MSI2: variants seen among roughly 807,000 people sequenced by gnomAD.
MSI2 encodes musashi RNA binding protein 2.
In MSI2, 17 loss-of-function variants were observed where a neutral mutation model predicts 45.6. The observed-to-expected ratio is 0.37, with a 90% CI of 0.26 to 0.56. MSI2 has a LOEUF of 0.56. MSI2 is among the 20% of genes least tolerant of loss of function. MSI2 has a pLI of 0.77. For synonymous variants in MSI2, 156 were observed against 158.2 expected, an observed-to-expected ratio of 0.99 and a Z score of 0.11; for missense variants, 293 against 444.2, an observed-to-expected ratio of 0.66 and a Z score of 3.06.
At chr17:57,464,388 G>A (rs1301498628) in intron 6 of MSI2, among the ~76,000 whole-genome samples, 1 of 152,022 alleles carries the variant, frequency 6.6e-6, no homozygotes, top group African/African-American at 2.4e-5. Context: ...AGGCTGCAGT[G>A]AGCCATGATT....
intron 5 of MSI2, chr17:57,262,445 G>A (rs748623146): frequency 2.4e-5 from 10 of 418,754 alleles, no homozygotes; most frequent in Admixed American, 4.1e-5. Context: ...TGTTTCCATC[G>A]ACTGCAGTAT....
In MSI2 at chr17:57,468,369, A is replaced by AAATTAGC. The variant is rs2085368255; in HGVS notation, c.406-61306_406-61300dup. Among the ~76,000 whole-genome samples, 4 of 151,628 alleles carry AAATTAGC rather than the reference A, an allele frequency of 2.6e-5. No individual in the cohort carries two copies. The South Asian group carries it at 8.3e-4, about 32-fold the overall frequency. On this transcript the variant is annotated intron_variant, in intron 6 of 13. Coordinates refer to ENST00000284073, the MANE Select transcript of MSI2 (RefSeq NM_138962.4). Reference sequence around the variant, plus strand: ...CCCGTCTCTACTAAAAATACAAAAAAAATTAGCCGGGTGTGGTGGCGGGCG... The same window carrying AAATTAGC: ...CCCGTCTCTACTAAAAATACAAAAAAAATTAGCAATTAGCCGGGTGTGGTGGCGGGCG...
intron 5 of MSI2, among the ~76,000 whole-genome samples, chr17:57,356,253 T>C (rs1463264676): frequency 6.6e-6 from 1 of 152,188 alleles, no homozygotes; most frequent in African/African-American, 2.4e-5. Flanking sequence ...TACCCACACA[T>C]ACCAGATCTC....
At chr17:57,276,061 T>A (rs966205060) in intron 5 of MSI2, among the ~76,000 whole-genome samples, 1 of 152,154 alleles carries the variant, frequency 6.6e-6, no homozygotes, top group Non-Finnish European at 1.5e-5. Flanking sequence ...TTCTACTGGT[T>A]TATTTTGACA....
intron 6 of MSI2, among the ~76,000 whole-genome samples, chr17:57,520,545 G>A (rs775428163): frequency 6.6e-5 from 10 of 152,232 alleles, no homozygotes; most frequent in African/African-American, 1.2e-4. Flanking sequence ...TGAAGAGTTC[G>A]AGAAATGTTC....
At chr17:57,439,559 C>CTT (rs758957801) in intron 6 of MSI2, among the ~76,000 whole-genome samples, 82 of 137,224 alleles carry the variant, frequency 6.0e-4, no homozygotes, top group African/African-American at 1.7e-3. Context: ...TAGGCTTTGT[C>CTT]TTTTTTTTTT....
chr17:57,619,080 G>C (rs1908024221), intron 9 of MSI2, among the ~76,000 whole-genome samples: 1 of 152,188 alleles, frequency 6.6e-6, no homozygotes, highest in South Asian at 2.1e-4. Flanking sequence ...AGAAGCAAAG[G>C]TGTGAAGCGG....
At chr17:57,484,350 T>G (rs1207882078) in intron 6 of MSI2, among the ~76,000 whole-genome samples, 2 of 152,362 alleles carry the variant, frequency 1.3e-5, no homozygotes, top group African/African-American at 2.4e-5. Context: ...ATGCCAAGCT[T>G]GGAAGGCCAG....
At chr17:57,264,086 G>A (rs749815991) in intron 5 of MSI2, 1 of 152,156 alleles carries the variant, frequency 6.6e-6, no homozygotes, top group Non-Finnish European at 1.5e-5. Context: ...TTTGTGTAGA[G>A]TAAAAGAGCA....
chr17:57,411,982 G>A (rs1163064299), intron 6 of MSI2, among the ~76,000 whole-genome samples: 2 of 151,880 alleles, frequency 1.3e-5, no homozygotes, highest in Non-Finnish European at 2.9e-5. Flanking sequence ...ACTCCAGCCT[G>A]GGCGACAAAC....
chr17:57,463,326 G>T (rs1200668915), intron 6 of MSI2, among the ~76,000 whole-genome samples: 8 of 152,036 alleles, frequency 5.3e-5, no homozygotes, highest in Admixed American at 5.2e-4. Flanking sequence ...GTTTTGAAAT[G>T]ACTTGAAAAA....
At chr17:57,438,618 C>A (rs573136071) in intron 6 of MSI2, among the ~76,000 whole-genome samples, 2 of 152,152 alleles carry the variant, frequency 1.3e-5, no homozygotes, top group South Asian at 2.1e-4. Context: ...GTTTTGAAAG[C>A]CACAGTTCAG....
At chr17:57,694,811 C>T in the MSI2 span, among the ~76,000 whole-genome samples, 4 of 152,196 alleles carry the variant, frequency 2.6e-5, no homozygotes, top group Admixed American at 6.5e-5. Flanking sequence ...AGGTTAACTG[C>T]AGTCCCAGAC....
At chr17:57,475,804 TACACAC>T (rs56753762) in intron 6 of MSI2, among the ~76,000 whole-genome samples, 9 of 150,222 alleles carry the variant, frequency 6.0e-5, no homozygotes, top group Non-Finnish European at 1.3e-4. Flanking sequence ...CATGCTTGTG[TACACAC>T]ACACACACAC....
intron 11 of MSI2, among the ~76,000 whole-genome samples, chr17:57,667,509 A>G (rs755343068): frequency 6.6e-6 from 1 of 152,126 alleles, no homozygotes; most frequent in African/African-American, 2.4e-5. Flanking sequence ...CCCCGTGCCA[A>G]TGCCAGGCAG....
At chr17:57,290,040 C>CCCA (rs1428376378) in intron 5 of MSI2, among the ~76,000 whole-genome samples, 1 of 152,134 alleles carries the variant, frequency 6.6e-6, no homozygotes, top group African/African-American at 2.4e-5. Flanking sequence ...GGAGTCTGGC[C>CCCA]TTGGAGAGGC....
intron 5 of MSI2, among the ~76,000 whole-genome samples, chr17:57,394,883 T>C (rs962916649): frequency 1.2e-4 from 18 of 152,232 alleles, no homozygotes; most frequent in Non-Finnish European, 8.8e-5. Context: ...CGAATAGATC[T>C]CTGTATTAGT....
At chr17:57,451,234 G>A (rs11079303) in intron 6 of MSI2, among the ~76,000 whole-genome samples, 90,414 of 151,928 alleles carry the variant, frequency 0.6, 30,835 homozygotes, top group South Asian at 0.81. Context: ...AGACATCTGT[G>A]CCCATTGCCG....
chr17:57,655,284 C>T (rs180695767), intron 11 of MSI2, among the ~76,000 whole-genome samples: 88 of 152,244 alleles, frequency 5.8e-4, no homozygotes, highest in Middle Eastern at 3.4e-3. Context: ...TGTGCTCAGT[C>T]GAGAGTTTGT....
Sources: allele counts gnomAD v4.1 joint callset (sites outside exome capture counted in the v4.1 genomes callset), GRCh38; gene constraint gnomAD v4.1.1; transcripts MANE v1.5; gene names NCBI Gene and HGNC (gene_info 2026-07-23, HGNC 2026-07-21).